The following CDC123 variants were observed in gnomAD, a reference collection of about 807,000 sequenced individuals.
The protein encoded by CDC123 is translation initiation factor eIF2 assembly protein.
In CDC123, 37 loss-of-function variants were observed where a neutral mutation model predicts 54.4. The observed-to-expected ratio is 0.68, with a 90% CI of 0.52 to 0.89. The LOEUF (loss-of-function observed/expected upper bound fraction) is 0.89, where lower values mean the gene tolerates loss of function less well. Ranked by LOEUF, CDC123 falls within the 40% of genes least tolerant of loss-of-function variation. CDC123 has a pLI of 0.00. For synonymous variants in CDC123, 144 were observed against 136.8 expected, an observed-to-expected ratio of 1.05 and a Z score of -0.37; for missense variants, 361 against 412.1, an observed-to-expected ratio of 0.88 and a Z score of 1.07.
intron 10 of CDC123, 51 bp from the exon 11 acceptor site, chr10:12,246,098 G>C (rs775918770): frequency 1.3e-6 from 2 of 1,582,082 alleles, no homozygotes; most frequent in Non-Finnish European, 1.7e-6. Context: ...TTTCTCAGAA[G>C]ACAGAGTACA....
chr10:12,239,950 G>A (rs999778917), intron 10 of CDC123, among the ~76,000 whole-genome samples: 9 of 149,874 alleles, frequency 6.0e-5, no homozygotes, highest in Non-Finnish European at 1.2e-4. Context: ...GGAGCTTGCA[G>A]TGAGCCGAGA....
chr10:12,223,229 C>G lies in CDC123; in HGVS notation c.440+5762C>G, dbSNP rs1396523732. On this transcript the variant is annotated intron_variant, in intron 6 of 12. Transcript: ENST00000281141. Reference sequence around the variant, plus strand: ...CTTTCAGTGTGCAAAATATTTGGAACAGCACGAGAGAAACGGTGTGTTGAT... The same window carrying G: ...CTTTCAGTGTGCAAAATATTTGGAAGAGCACGAGAGAAACGGTGTGTTGAT... Among the ~76,000 whole-genome samples, 7 of 152,122 alleles carry G rather than the reference C, an allele frequency of 4.6e-5. No homozygotes were observed. In the East Asian group the frequency reaches 1.4e-3, roughly 29 times the overall value.
intron 2 of CDC123, among the ~76,000 whole-genome samples, chr10:12,200,967 C>T (rs192051045): frequency 5.9e-5 from 9 of 152,076 alleles, no homozygotes; most frequent in African/African-American, 2.2e-4. Flanking sequence ...CAACACGATA[C>T]AGTGCTTTAC....
intron 1 of CDC123, among the ~76,000 whole-genome samples, chr10:12,197,141 T>C (rs1835365537): frequency 1.3e-5 from 2 of 152,224 alleles, no homozygotes; most frequent in Admixed American, 1.3e-4. Flanking sequence ...GGTAGAACCT[T>C]AGATTCATTG....
intron 6 of CDC123, among the ~76,000 whole-genome samples, chr10:12,229,417 G>A (rs779201136): frequency 2.0e-5 from 3 of 152,108 alleles, no homozygotes; most frequent in South Asian, 2.1e-4. Context: ...TCCATCTGTC[G>A]CAGTTCCCCC....
At chr10:12,244,868 G>C (rs1836109692) in intron 10 of CDC123, 1 of 152,024 alleles carries the variant, frequency 6.6e-6, no homozygotes, top group Non-Finnish European at 1.5e-5. Flanking sequence ...AATTAGCCAA[G>C]CATACTGGCG....
intron 6 of CDC123, among the ~76,000 whole-genome samples, chr10:12,225,896 G>A (rs1298301908): frequency 4.0e-5 from 6 of 151,856 alleles, no homozygotes; most frequent in African/African-American, 1.2e-4. Context: ...TTCCTAGGCA[G>A]AGGACCCTGC....
At chr10:12,206,529 A>G (rs1414142316) in intron 2 of CDC123, among the ~76,000 whole-genome samples, 1 of 152,210 alleles carries the variant, frequency 6.6e-6, no homozygotes, top group Non-Finnish European at 1.5e-5. Context: ...AACTTGGGGA[A>G]GGCCGGGTGC....
At chr10:12,215,405 A>G (rs1265729084) in intron 4 of CDC123, among the ~76,000 whole-genome samples, 4 of 151,964 alleles carry the variant, frequency 2.6e-5, no homozygotes, top group Admixed American at 6.6e-5. Flanking sequence ...CCACCTGTCT[A>G]TTTTCTCTTG....
At chr10:12,211,324 G>T (rs1428595532) in intron 4 of CDC123, among the ~76,000 whole-genome samples, 2 of 151,968 alleles carry the variant, frequency 1.3e-5, no homozygotes, top group Admixed American at 6.6e-5. Flanking sequence ...TTGTGGGAGG[G>T]TCTGTTCTAA....
At chr10:12,198,023 G>A (rs1835389391) in intron 1 of CDC123, among the ~76,000 whole-genome samples, 1 of 152,148 alleles carries the variant, frequency 6.6e-6, no homozygotes. Flanking sequence ...CACTCTTAGG[G>A]ATCTGTGGTA....
At chr10:12,232,942 G>A (rs917397659) in intron 7 of CDC123, among the ~76,000 whole-genome samples, 1 of 151,948 alleles carries the variant, frequency 6.6e-6, no homozygotes, top group Admixed American at 6.6e-5. Flanking sequence ...TGTATTTTTA[G>A]TGGAGACGGG....
intron 9 of CDC123, among the ~76,000 whole-genome samples, chr10:12,238,023 A>G (rs1440328063): frequency 6.6e-6 from 1 of 152,114 alleles, no homozygotes; most frequent in Non-Finnish European, 1.5e-5. Context: ...TCTGTGGCAG[A>G]TTTGACTTAA....
intron 4 of CDC123, among the ~76,000 whole-genome samples, chr10:12,211,904 T>C (rs996083160): frequency 3.9e-5 from 6 of 152,246 alleles, no homozygotes; most frequent in African/African-American, 1.4e-4. Flanking sequence ...AGGACCAACA[T>C]GGTGAAACCC....
At chr10:12,230,868 T>C in intron 6 of CDC123, 80 bp from the exon 7 acceptor site, 2 of 1,303,782 alleles carry the variant, frequency 1.5e-6, no homozygotes, top group Non-Finnish European at 1.1e-6. Flanking sequence ...GTTACTCTCA[T>C]GTTAAATATA....
Position 12,235,033 on chromosome 10 carries a change from T to G in CDC123, c.490-15T>G. Reference sequence around the variant, plus strand: ...ATAGGTGTGTTATATTAAATATTTTTTCTTTTGTTTACAGCTCGTTCTCCG... The same window carrying G: ...ATAGGTGTGTTATATTAAATATTTTGTCTTTTGTTTACAGCTCGTTCTCCG... On this transcript the variant is annotated splice_polypyrimidine_tract_variant and intron_variant, in intron 7 of 12. Transcript: ENST00000281141. 1.9e-6 allele frequency: 3 copies of G among 1,608,314 alleles called. No individual in the cohort carries two copies. Among genetic ancestry groups the G allele is most frequent in the Non-Finnish European group, 1.7e-6 (2 of 1,175,096 alleles).
chr10:12,199,701 G>A (rs1323911990), intron 2 of CDC123, among the ~76,000 whole-genome samples: 1 of 152,160 alleles, frequency 6.6e-6, no homozygotes, highest in Non-Finnish European at 1.5e-5. Context: ...TATTCACAGA[G>A]CCTCAATAAC....
chr10:12,221,483 G>T (rs1159550334), intron 6 of CDC123, among the ~76,000 whole-genome samples: 2 of 152,150 alleles, frequency 1.3e-5, no homozygotes, highest in Admixed American at 6.5e-5. Flanking sequence ...AGCATTCCTG[G>T]AGGCCTCCTG....
rs1197493446 is a variant in CDC123 at position 12,250,335 on chromosome 10, T to C, written c.1009T>C (p.Ter337ArgextTer1). The C allele has an allele frequency of 6.2e-6, 10 of 1,602,738 alleles. No individual in the cohort carries two copies. The highest frequency in any genetic ancestry group is 2.7e-5 in the African/African-American group (2 of 74,602). ...GAAGAGAAATCAGCAGGAGGACGACTGATGAGCGTACTGGAACTGGAGAAG... is the reference window on the plus strand; with the variant it reads ...GAAGAGAAATCAGCAGGAGGACGACCGATGAGCGTACTGGAACTGGAGAAG... Reference protein sequence around the residue: ...KLKRNQQEDD* With the variant: ...KLKRNQQEDDR Residue 337 changes from the stop codon to arginine, a stop_lost, in exon 13 of 13, where the codon TGA becomes CGA. Coordinates refer to ENST00000281141, the MANE Select transcript of CDC123 (RefSeq NM_006023.3).
Sources: allele counts gnomAD v4.1 joint callset (sites outside exome capture counted in the v4.1 genomes callset), GRCh38; gene constraint gnomAD v4.1.1; transcripts MANE v1.5; gene names NCBI Gene and HGNC (gene_info 2026-07-23, HGNC 2026-07-21).